NTM: variants seen among roughly 807,000 people sequenced by gnomAD.
The protein encoded by NTM is neurotrimin, also known as IgLON family member 2.
A neutral mutation model predicts 42.1 loss-of-function variants in NTM; 13 were observed. The ratio of observed to expected loss-of-function variants is 0.31; its 90% CI spans 0.20 to 0.49. NTM has a LOEUF of 0.49. Ranked by LOEUF, NTM falls within the 20% of genes least tolerant of loss-of-function variation. The pLI is 0.99. For synonymous variants in NTM, 187 were observed against 179.2 expected (o/e 1.04, Z -0.35); for missense variants, 373 against 452.8 (o/e 0.82, Z 1.60).
At chr11:131,600,825 C>G (rs1398800045) in intron 1 of NTM, among the ~76,000 whole-genome samples, 1 of 151,950 alleles carries the variant, frequency 6.6e-6, no homozygotes. Context: ...CGTGTCACTA[C>G]TCTTCTGTAT....
chr11:132,276,800 G>T (rs372425490), intron 4 of NTM, among the ~76,000 whole-genome samples: 1 of 152,028 alleles, frequency 6.6e-6, no homozygotes, highest in African/African-American at 2.4e-5. Flanking sequence ...GCCTCTACCT[G>T]TGCCTTTATC....
chr11:131,386,226 C>T (rs141251331), intron 1 of NTM, among the ~76,000 whole-genome samples: 6 of 152,194 alleles, frequency 3.9e-5, no homozygotes, highest in South Asian at 4.2e-4. Context: ...ACCAAAGGAC[C>T]GATAAGGTAT....
intron 1 of NTM, among the ~76,000 whole-genome samples, chr11:131,640,834 T>C (rs1406968004): frequency 6.6e-6 from 1 of 152,240 alleles, no homozygotes; most frequent in Non-Finnish European, 1.5e-5. Flanking sequence ...AATGACTGTA[T>C]CTGGCGCACA....
intron 1 of NTM, among the ~76,000 whole-genome samples, chr11:131,393,576 GC>G: frequency 6.6e-6 from 1 of 152,206 alleles, no homozygotes; most frequent in East Asian, 1.9e-4. Context: ...TTCTTTCCTG[GC>G]CCCGTGCCCT....
intron 2 of NTM, among the ~76,000 whole-genome samples, chr11:132,118,374 G>A (rs1368046409): frequency 6.6e-6 from 1 of 152,198 alleles, no homozygotes; most frequent in East Asian, 1.9e-4. Context: ...AGAGGGCTGA[G>A]CATGGATTGA....
intron 6 of NTM, among the ~76,000 whole-genome samples, chr11:132,310,797 G>A (rs1438137195): frequency 6.6e-6 from 1 of 152,156 alleles, no homozygotes; most frequent in Admixed American, 6.5e-5. Flanking sequence ...CATTGTCACA[G>A]CATCCTCGGG....
chr11:131,981,891 A>G (rs2065295348), intron 2 of NTM, among the ~76,000 whole-genome samples: 1 of 152,096 alleles, frequency 6.6e-6, no homozygotes, highest in African/African-American at 2.4e-5. Flanking sequence ...AGGTGCCTGT[A>G]ATCCCAGCTA....
intron 7 of NTM, among the ~76,000 whole-genome samples, chr11:132,329,220 T>C (rs1243807564): frequency 6.6e-6 from 1 of 152,200 alleles, no homozygotes; most frequent in Non-Finnish European, 1.5e-5. Flanking sequence ...GGCATCACTT[T>C]GATGCAAAAA....
At chr11:132,044,060 GTGTGTGTATGTGTATGTGTT>G (rs760081881) in intron 2 of NTM, among the ~76,000 whole-genome samples, 29,421 of 150,230 alleles carry the variant, frequency 0.2, 3,526 homozygotes, top group Non-Finnish European at 0.27. Context: ...ATGTGTGTAT[GTGTGTGTATGTGTATGTGTT>G]TGTGTGTATG....
chr11:132,005,510 A>G (rs766218187), intron 2 of NTM, among the ~76,000 whole-genome samples: 1 of 152,200 alleles, frequency 6.6e-6, no homozygotes, highest in Non-Finnish European at 1.5e-5. Flanking sequence ...TGAGTGAAAG[A>G]TGAATGAATG....
At chr11:131,694,763 T>C (rs1399675136) in intron 1 of NTM, among the ~76,000 whole-genome samples, 1 of 152,128 alleles carries the variant, frequency 6.6e-6, no homozygotes, top group East Asian at 1.9e-4. Context: ...GACCATGAGC[T>C]TTGCGGAAGG....
At chr11:132,091,362 C>T (rs1216023056) in intron 2 of NTM, among the ~76,000 whole-genome samples, 1 of 151,726 alleles carries the variant, frequency 6.6e-6, no homozygotes, top group Non-Finnish European at 1.5e-5. Flanking sequence ...GAGCCAAGAT[C>T]GTGCCACCAC....
intron 1 of NTM, among the ~76,000 whole-genome samples, chr11:131,753,230 G>A (rs2082810453): frequency 6.6e-6 from 1 of 152,138 alleles, no homozygotes; most frequent in Non-Finnish European, 1.5e-5. Flanking sequence ...TCATTAAAAA[G>A]TCAGGTAACA....
At chr11:131,684,945 C>A (rs184101808) in intron 1 of NTM, among the ~76,000 whole-genome samples, 4 of 152,190 alleles carry the variant, frequency 2.6e-5, no homozygotes, top group Non-Finnish European at 5.9e-5. Context: ...CTAGGGTGAA[C>A]GTGAATCTGT....
chr11:132,003,050 G>C lies in NTM; in HGVS notation c.167+91402G>C, dbSNP rs1565924199. ...GAAGTTAGGGTTAGGAAAGTAACTA[G>C]TGAGCGCACTAAACAGTAAGATGCG... On this transcript the variant is annotated intron_variant, in intron 2 of 8. Transcript: ENST00000683400. This position sits in a 1 kb window ranked among gnomAD's most constrained non-coding sequence, Gnocchi z 6.0. Among the ~76,000 whole-genome samples the C allele has an allele frequency of 6.6e-6, 1 of 152,150 alleles. No homozygotes were observed. Among genetic ancestry groups the C allele is most frequent in the African/African-American group, 2.4e-5 (1 of 41,428 alleles).
At chr11:131,957,834 G>T (rs1383905740) in intron 2 of NTM, among the ~76,000 whole-genome samples, 1 of 152,038 alleles carries the variant, frequency 6.6e-6, no homozygotes, top group African/African-American at 2.4e-5. Context: ...TTTTTCGAAG[G>T]AAAGTCGAGA....
At chr11:131,511,897 C>T (rs1037683049) in intron 1 of NTM, among the ~76,000 whole-genome samples, 6 of 152,154 alleles carry the variant, frequency 3.9e-5, no homozygotes, top group Non-Finnish European at 5.9e-5. Flanking sequence ...AATATGAAAG[C>T]GGAAGAGCCT....
chr11:132,183,994 C>T (rs2078009051), intron 3 of NTM, among the ~76,000 whole-genome samples: 1 of 152,058 alleles, frequency 6.6e-6, no homozygotes, highest in South Asian at 2.1e-4. Context: ...AAAGGACCGA[C>T]CGTGTCTTCC....
At chr11:132,143,398 G>A (rs1360674063) in intron 2 of NTM, among the ~76,000 whole-genome samples, 1 of 152,110 alleles carries the variant, frequency 6.6e-6, no homozygotes, top group Non-Finnish European at 1.5e-5. Flanking sequence ...AATTTGAGAA[G>A]AACTGATTTA....
Sources: allele counts gnomAD v4.1 joint callset (sites outside exome capture counted in the v4.1 genomes callset), GRCh38; gene constraint gnomAD v4.1.1; non-coding constraint Gnocchi (gnomAD v3.1); transcripts MANE v1.5; gene names NCBI Gene and HGNC (gene_info 2026-07-23, HGNC 2026-07-21).